SLC1A3: variants seen among roughly 807,000 people sequenced by gnomAD.
SLC1A3 encodes excitatory amino acid transporter 1.
Under a neutral mutation model 48.1 loss-of-function variants are expected in SLC1A3, and 21 were observed. That is an observed-to-expected ratio of 0.44 (90% CI 0.31 to 0.63). The LOEUF is 0.63. Ranked by LOEUF, SLC1A3 falls within the 20% of genes least tolerant of loss-of-function variation. The pLI, the probability that SLC1A3 is intolerant of heterozygous loss-of-function variation, is 0.08. For missense variants in SLC1A3, 546 were observed against 689.0 expected (o/e 0.79, Z 2.32); for synonymous variants, 239 against 251.4 (o/e 0.95, Z 0.47).
At position 36,671,215 on chromosome 5, in the gene SLC1A3, C is replaced by G. The variant is rs144370200; in HGVS notation, c.506C>G (p.Ala169Gly). 2.5e-5 allele frequency: 40 copies of G among 1,613,168 alleles called. No individual in the cohort carries two copies. In the East Asian group the frequency reaches 8.5e-4, roughly 34 times the overall value. Residue 169 changes from alanine (A) to glycine (G), a missense_variant, in exon 4 of 10, where the codon GCC (alanine) becomes GGC (glycine). Physicochemically the swap from Ala to Gly is moderately conservative, Grantham distance 60. Coordinates refer to ENST00000265113, the MANE Select transcript of SLC1A3 (RefSeq NM_004172.5). ...ATTGTACGAGTGACAGCTGCAGATG[C>G]CTTCCTGGACTTGATCAGGTATGTC... ...GKIVRVTAAD[A>G]FLDLIRNMFP...
At chr5:36,643,632 C>T (rs1412622810) in intron 3 of SLC1A3, among the ~76,000 whole-genome samples, 1 of 152,080 alleles carries the variant, frequency 6.6e-6, no homozygotes, top group Non-Finnish European at 1.5e-5. Flanking sequence ...AGCTATGGTC[C>T]TCCTTGAGAA....
intron 9 of SLC1A3, 119 bp downstream of exon 9, chr5:36,684,117 C>T: frequency 7.7e-7 from 1 of 1,303,868 alleles, no homozygotes; most frequent in Non-Finnish European, 1.1e-6. Flanking sequence ...GCCTCTCGGC[C>T]CATAGTTAAA....
chr5:36,651,670 C>A (rs1741081962), intron 3 of SLC1A3, among the ~76,000 whole-genome samples: 2 of 151,838 alleles, frequency 1.3e-5, no homozygotes, highest in Non-Finnish European at 2.9e-5. Flanking sequence ...GAAACATCTC[C>A]TACACACACA....
intron 3 of SLC1A3, among the ~76,000 whole-genome samples, chr5:36,645,709 T>C (rs1366145853): frequency 6.6e-6 from 1 of 152,152 alleles, no homozygotes; most frequent in Non-Finnish European, 1.5e-5. Flanking sequence ...CTCAGTAATT[T>C]TGGGGTTGTT....
Position 36,687,342 on chromosome 5 carries a change from A to G in SLC1A3, c.*1073A>G, listed in dbSNP as rs1742693110. On this transcript the variant is annotated 3_prime_UTR_variant, in exon 10 of 10. Coordinates refer to ENST00000265113, the MANE Select transcript of SLC1A3 (RefSeq NM_004172.5). Reference sequence around the variant, plus strand: ...TAGGAAAGAGTTGAGCACAGGCAACATTACAAACAAAGGATTTGAAAACAC... The same window carrying G: ...TAGGAAAGAGTTGAGCACAGGCAACGTTACAAACAAAGGATTTGAAAACAC... 1 of 152,262 alleles carries G rather than the reference A, an allele frequency of 6.6e-6. No individual in the cohort carries two copies. The highest frequency in any genetic ancestry group is 2.4e-5 in the African/African-American group (1 of 41,472). The allele number at this position is 152,262 out of a possible 1,614,324, so 9.4% of individuals were successfully genotyped here. A position where few individuals can be genotyped will look rare whatever the true frequency, so the allele number is the denominator to read the frequency against.
In SLC1A3 at chr5:36,686,350, G is replaced by A. The variant is rs966247264; in HGVS notation, c.*81G>A. Reference sequence around the variant, plus strand: ...CTTTCCATCTCATTACAGCTCATTCGCTCCAGCAAGCCCGTCATCTTCCCT... The same window carrying A: ...CTTTCCATCTCATTACAGCTCATTCACTCCAGCAAGCCCGTCATCTTCCCT... On this transcript the variant is annotated 3_prime_UTR_variant, in exon 10 of 10. Coordinates refer to ENST00000265113, the MANE Select transcript of SLC1A3 (RefSeq NM_004172.5). 3.1e-5 allele frequency: 33 copies of A among 1,057,538 alleles called. No individual in the cohort carries two copies. The highest frequency in any genetic ancestry group is 2.3e-4 in the Middle Eastern group (1 of 4,390). 65.5% of individuals were successfully genotyped at this position (1,057,538 alleles called of 1,614,324 possible).
intron 2 of SLC1A3, chr5:36,613,152 A>C (rs922546218): frequency 8.5e-6 from 2 of 235,066 alleles, no homozygotes; most frequent in African/African-American, 4.5e-5. Flanking sequence ...ACCGAGGTGC[A>C]TATACAATGG....
chr5:36,675,238 C>G (rs937814845), intron 5 of SLC1A3, among the ~76,000 whole-genome samples: 1 of 130,680 alleles, frequency 7.7e-6, no homozygotes, highest in African/African-American at 2.7e-5. Flanking sequence ...AACATTCAAA[C>G]CAAATTCTTT....
chr5:36,650,562 G>A (rs1741020175), intron 3 of SLC1A3, among the ~76,000 whole-genome samples: 1 of 152,060 alleles, frequency 6.6e-6, no homozygotes, highest in Non-Finnish European at 1.5e-5. Context: ...TTTGTAATTT[G>A]TTTGTTAAAG....
Position 36,629,435 on chromosome 5 carries a change from T to C in SLC1A3, c.182-15T>C, listed in dbSNP as rs779207333. On this transcript the variant is annotated splice_polypyrimidine_tract_variant and intron_variant, in intron 2 of 9. Transcript: ENST00000265113. ...ACTCAATTTTTCTTTTTCTTTTTTTTTTTTTTTCCTTCAGGTACAATCCTT... is the reference window on the plus strand; with the variant it reads ...ACTCAATTTTTCTTTTTCTTTTTTTCTTTTTTTCCTTCAGGTACAATCCTT... The C allele has an allele frequency of 1.3e-5, 21 of 1,608,142 alleles. No individual in the cohort carries two copies. The highest frequency in any genetic ancestry group is 1.7e-5 in the Non-Finnish European group (20 of 1,178,168).
intron 2 of SLC1A3, among the ~76,000 whole-genome samples, chr5:36,617,757 A>T (rs554104339): frequency 2.6e-5 from 4 of 152,184 alleles, no homozygotes; most frequent in Admixed American, 6.5e-5. Context: ...TTAGGGCTAC[A>T]TTGTATGGGC....
intron 2 of SLC1A3, among the ~76,000 whole-genome samples, chr5:36,616,024 G>A (rs773484316): frequency 1.9e-4 from 29 of 152,150 alleles, no homozygotes; most frequent in South Asian, 1.9e-3. Context: ...GGTGAAACCC[G>A]GTCTCTACTA....
rs3051477 is a variant in SLC1A3 at position 36,652,325 on chromosome 5, T to TAC, written c.320-18684_320-18683dup. Among the ~76,000 whole-genome samples, 1,344 of 150,610 alleles carry TAC rather than the reference T, an allele frequency of 8.9e-3. 20 individuals carry two copies. The highest frequency in any genetic ancestry group is 0.029 in the African/African-American group (1,202 of 41,002). On this transcript the variant is annotated intron_variant, in intron 3 of 9. Transcript: ENST00000265113. Reference sequence around the variant, plus strand: ...CAAGTGGCGTGAGCGCACACACACATACACACACACACACACACACAACAT... The same window carrying TAC: ...CAAGTGGCGTGAGCGCACACACACATACACACACACACACACACACACAACAT...
intron 3 of SLC1A3, among the ~76,000 whole-genome samples, chr5:36,633,435 G>A (rs911334741): frequency 5.9e-5 from 9 of 152,140 alleles, no homozygotes; most frequent in South Asian, 2.1e-4. Context: ...ACGTATGGTA[G>A]GGCACCCTCG....
chr5:36,624,000 G>C (rs10941306), intron 2 of SLC1A3, among the ~76,000 whole-genome samples: 98,660 of 152,048 alleles, frequency 0.65, 32,274 homozygotes, highest in South Asian at 0.72. Flanking sequence ...CATTGCTGGG[G>C]TAGAATGTAA....
Position 36,668,962 on chromosome 5 carries a change from A to C in SLC1A3, c.320-2067A>C, listed in dbSNP as rs1319263716. The stretch of plus-strand genomic sequence containing the variant: ...CTCTCCGAATAGCTGTAGGTCGAGA[A>C]TAGTGGGCAGGAGCATCAGAGAAGA... On this transcript the variant is annotated intron_variant, in intron 3 of 9. Transcript: ENST00000265113. The C allele has an allele frequency of 4.6e-5, 7 of 152,120 alleles. No homozygotes were observed. The East Asian group carries it at 1.4e-3, about 29-fold the overall frequency. The allele number at this position is 152,120 out of a possible 1,614,324, so 9.4% of individuals were successfully genotyped here.
chr5:36,620,277 T>C (rs939155017), intron 2 of SLC1A3, among the ~76,000 whole-genome samples: 9 of 152,226 alleles, frequency 5.9e-5, no homozygotes. Context: ...GAACTGTCTT[T>C]CTACAGCATC....
At chr5:36,612,763 C>A (rs1739261440) in intron 2 of SLC1A3, 9 of 455,490 alleles carry the variant, frequency 2.0e-5, no homozygotes, top group Non-Finnish European at 4.0e-5. Context: ...AACTGAAGCC[C>A]AAATCCTTAC....
chr5:36,663,433 G>A (rs1424912254), intron 3 of SLC1A3, among the ~76,000 whole-genome samples: 2 of 139,134 alleles, frequency 1.4e-5, no homozygotes, highest in East Asian at 4.1e-4. Context: ...AGTAGAGACG[G>A]GGTCCCCATG....
Sources: allele counts gnomAD v4.1 joint callset (sites outside exome capture counted in the v4.1 genomes callset), GRCh38; gene constraint gnomAD v4.1.1; transcripts MANE v1.5; gene names NCBI Gene and HGNC (gene_info 2026-07-23, HGNC 2026-07-21).